RIMKLA: variants seen among roughly 807,000 people sequenced by gnomAD.
The protein encoded by RIMKLA is N-acetylaspartylglutamate synthase A.
In RIMKLA, 14 loss-of-function variants were observed where a neutral mutation model predicts 32.7. The observed-to-expected ratio is 0.43, with a 90% CI of 0.28 to 0.67. RIMKLA has a LOEUF of 0.67. Among genes scored for constraint, RIMKLA ranks in the 30% least tolerant of loss-of-function variants. The probability of loss-of-function intolerance (pLI) is 0.18; values close to 1 mark genes in which losing one functional copy is unlikely to be tolerated. For missense variants in RIMKLA, 410 were observed against 519.0 expected, an observed-to-expected ratio of 0.79 and a Z score of 2.04; for synonymous variants, 176 against 204.1, an observed-to-expected ratio of 0.86 and a Z score of 1.18.
rs913384846 is a variant in RIMKLA, at chr1:42,421,118, T to G, written c.*6144T>G. On this transcript the variant is annotated 3_prime_UTR_variant, in exon 5 of 5. Coordinates refer to ENST00000431473, the MANE Select transcript of RIMKLA (RefSeq NM_173642.4). This position sits in a 1 kb window ranked among gnomAD's most constrained non-coding sequence, Gnocchi z 4.6. ...GTGGTTCAGGCTAATGACTGGAAGG[T>G]CCCATCCATCCTTGAGATTTTATGA... 2 of 152,134 alleles carry G rather than the reference T, an allele frequency of 1.3e-5. No individual in the cohort carries two copies. Among genetic ancestry groups the G allele is most frequent in the African/African-American group, 4.8e-5 (2 of 41,406 alleles). The allele number at this position is 152,134 out of a possible 1,614,324, so 9.4% of individuals were successfully genotyped here.
intron 1 of RIMKLA, among the ~76,000 whole-genome samples, chr1:42,386,542 A>G (rs1046687428): frequency 2.0e-5 from 3 of 151,348 alleles, no homozygotes; most frequent in Non-Finnish European, 2.9e-5. Flanking sequence ...AACCTACAAC[A>G]TATTCTGAAA....
intron 1 of RIMKLA, among the ~76,000 whole-genome samples, chr1:42,398,156 G>C (rs957478884): frequency 6.6e-6 from 1 of 152,222 alleles, no homozygotes; most frequent in South Asian, 2.1e-4. Flanking sequence ...GGATACATCA[G>C]TGAACAGACA....
chr1:42,394,008 C>T (rs976111680), intron 1 of RIMKLA, among the ~76,000 whole-genome samples: 1 of 152,262 alleles, frequency 6.6e-6, no homozygotes, highest in African/African-American at 2.4e-5. Context: ...TGGTCTCGAT[C>T]TCCTGACCTC....
chr1:42,411,052 A>G (rs977266395), intron 4 of RIMKLA, among the ~76,000 whole-genome samples: 1 of 152,250 alleles, frequency 6.6e-6, no homozygotes, highest in Non-Finnish European at 1.5e-5. Flanking sequence ...GACATGGGCC[A>G]GTTGTGGTGG....
At chr1:42,390,946 G>C (rs923288374) in intron 1 of RIMKLA, among the ~76,000 whole-genome samples, 1 of 152,134 alleles carries the variant, frequency 6.6e-6, no homozygotes, top group Non-Finnish European at 1.5e-5. Context: ...TGACTATGGA[G>C]TTTGAATAGG....
At chr1:42,397,887 T>G (rs903163157) in intron 1 of RIMKLA, among the ~76,000 whole-genome samples, 1 of 152,106 alleles carries the variant, frequency 6.6e-6, no homozygotes, top group African/African-American at 2.4e-5. Flanking sequence ...GGGTGCACCA[T>G]GGAGACCTAG....
At position 42,385,844 on chromosome 1, in the gene RIMKLA, CTCTTTCTTTCTTTCTTTCTT is replaced by C. The variant is rs1162584737; in HGVS notation, c.163+4782_163+4801del. On this transcript the variant is annotated intron_variant, in intron 1 of 4. Coordinates refer to ENST00000431473, the MANE Select transcript of RIMKLA (RefSeq NM_173642.4). ...CCTTCCTTCCTTTCTTTCTTTCTTT[CTCTTTCTTTCTTTCTTTCTT>C]TCTTTCTTTCTTTCTTTCTTTCTTT... Among the ~76,000 whole-genome samples the C allele has an allele frequency of 3.6e-3, 204 of 57,080 alleles. 15 individuals are homozygous for C. Among genetic ancestry groups the C allele is most frequent in the Middle Eastern group, 0.02 (2 of 100 alleles). 37.4% of individuals were successfully genotyped at this position (57,080 alleles called of 152,430 possible).
intron 1 of RIMKLA, among the ~76,000 whole-genome samples, chr1:42,392,099 A>T (rs1643004488): frequency 6.6e-6 from 1 of 152,144 alleles, no homozygotes; most frequent in Non-Finnish European, 1.5e-5. Context: ...GATTTGTTTG[A>T]GAGGTAGAGA....
Position 42,419,930 on chromosome 1 carries a change from A to G in RIMKLA, c.*4956A>G, listed in dbSNP as rs988733296. 8 of 152,134 alleles carry G rather than the reference A, an allele frequency of 5.3e-5. No individual in the cohort carries two copies. The highest frequency in any genetic ancestry group is 3.3e-4 in the Admixed American group (5 of 15,268). 9.4% of individuals were successfully genotyped at this position (152,134 alleles called of 1,614,324 possible). A position where few individuals can be genotyped will look rare whatever the true frequency, so the allele number is the denominator to read the frequency against. On this transcript the variant is annotated 3_prime_UTR_variant, in exon 5 of 5. Coordinates refer to ENST00000431473, the MANE Select transcript of RIMKLA (RefSeq NM_173642.4). The stretch of plus-strand genomic sequence containing the variant: ...CCAAGGGTTTGCAGCTCCTAAACCT[A>G]TTGCATTAGGCACACCCAAGAAGAA...
At chr1:42,399,354 T>C (rs920707684) in intron 1 of RIMKLA, 50 bp from the exon 2 acceptor site, 3 of 1,324,340 alleles carry the variant, frequency 2.3e-6, no homozygotes. Flanking sequence ...TTTCTTCTGG[T>C]GGACTAAACG....
At position 42,416,332 on chromosome 1, in the gene RIMKLA, T is replaced by G. The variant is rs1391997507; in HGVS notation, c.*1358T>G. 1 of 152,184 alleles carries G rather than the reference T, an allele frequency of 6.6e-6. No individual in the cohort carries two copies. The highest frequency in any genetic ancestry group is 2.4e-5 in the African/African-American group (1 of 41,440). 9.4% of individuals were successfully genotyped at this position (152,184 alleles called of 1,614,324 possible). ...TGCATGTGCCAAGAACACTTAGGGT[T>G]CCCCTTTGGGATTACCTTTGAAGCC... On this transcript the variant is annotated 3_prime_UTR_variant, in exon 5 of 5. Coordinates refer to ENST00000431473, the MANE Select transcript of RIMKLA (RefSeq NM_173642.4).
At position 42,415,186 on chromosome 1, in the gene RIMKLA, G is replaced by C; in HGVS notation, c.*212G>C. The C allele has an allele frequency of 1.8e-6, 1 of 566,392 alleles. No homozygotes were observed. Among genetic ancestry groups the C allele is most frequent in the Non-Finnish European group, 3.1e-6 (1 of 321,778 alleles). The allele number at this position is 566,392 out of a possible 1,614,324, so 35.1% of individuals were successfully genotyped here. ...TAAAAACACTCAAGAACAACGTCCC[G>C]ACTGATCAGTATGAGACTGATGTCT... On this transcript the variant is annotated 3_prime_UTR_variant, in exon 5 of 5. Coordinates refer to ENST00000431473, the MANE Select transcript of RIMKLA (RefSeq NM_173642.4).
chr1:42,411,522 G>A (rs6600402), intron 4 of RIMKLA, among the ~76,000 whole-genome samples: 88,227 of 150,892 alleles, frequency 0.58, 26,207 homozygotes, highest in Non-Finnish European at 0.63. Context: ...ATGCAGTGGC[G>A]TGATCCCAGC....
intron 1 of RIMKLA, among the ~76,000 whole-genome samples, chr1:42,398,483 C>T (rs950470151): frequency 6.6e-6 from 1 of 152,068 alleles, no homozygotes; most frequent in Non-Finnish European, 1.5e-5. Flanking sequence ...AAAATACAGA[C>T]AAGTATAAAA....
chr1:42,408,234 A>C (rs1344437755), intron 3 of RIMKLA, among the ~76,000 whole-genome samples: 1 of 152,042 alleles, frequency 6.6e-6, no homozygotes, highest in South Asian at 2.1e-4. Context: ...CCTGACATTG[A>C]CACCCACTTA....
At chr1:42,382,293 A>C (rs1322432374) in intron 1 of RIMKLA, among the ~76,000 whole-genome samples, 1 of 152,172 alleles carries the variant, frequency 6.6e-6, no homozygotes, top group South Asian at 2.1e-4. Flanking sequence ...CCCTCTCTCT[A>C]TCCTTGATTT....
chr1:42,406,194 T>C (rs1015050071), intron 3 of RIMKLA, among the ~76,000 whole-genome samples: 4 of 152,172 alleles, frequency 2.6e-5, no homozygotes, highest in African/African-American at 9.7e-5. Context: ...TAAATATACA[T>C]AATGTTTTGG....
At chr1:42,398,496 T>C (rs187669718) in intron 1 of RIMKLA, among the ~76,000 whole-genome samples, 163 of 152,304 alleles carry the variant, frequency 1.1e-3, no homozygotes, top group Non-Finnish European at 5.7e-4. Flanking sequence ...GTATAAAATA[T>C]AAAGAAGACA....
At chr1:42,404,376 G>T (rs1437016666) in intron 2 of RIMKLA, 135 bp from the exon 3 acceptor site, 7 of 664,630 alleles carry the variant, frequency 1.1e-5, no homozygotes, top group Non-Finnish European at 5.5e-6. Context: ...TGTGTCTGTT[G>T]AATCAACTGG....
Sources: allele counts gnomAD v4.1 joint callset (sites outside exome capture counted in the v4.1 genomes callset), GRCh38; gene constraint gnomAD v4.1.1; non-coding constraint Gnocchi (gnomAD v3.1); transcripts MANE v1.5; gene names NCBI Gene and HGNC (gene_info 2026-07-23, HGNC 2026-07-21).